The following PRKACB variants were observed in gnomAD, a reference collection of about 807,000 sequenced individuals.
PRKACB encodes the protein cAMP-dependent protein kinase catalytic subunit beta.
Under a neutral mutation model 51.4 loss-of-function variants are expected in PRKACB, and 16 were observed. The observed-to-expected ratio is 0.31, with a 90% CI of 0.21 to 0.47. PRKACB has a LOEUF of 0.47. Ranked by LOEUF, PRKACB falls within the 20% of genes least tolerant of loss-of-function variation. The probability of loss-of-function intolerance (pLI) is 1.00; values close to 1 mark genes in which losing one functional copy is unlikely to be tolerated. For missense variants in PRKACB, 309 were observed against 464.5 expected, an observed-to-expected ratio of 0.67 and a Z score of 3.08; for synonymous variants, 147 against 154.4, an observed-to-expected ratio of 0.95 and a Z score of 0.35.
intron 1 of PRKACB, among the ~76,000 whole-genome samples, chr1:84,172,935 T>G (rs1208821881): frequency 6.6e-6 from 1 of 151,770 alleles, no homozygotes; most frequent in African/African-American, 2.4e-5. Context: ...TCCAATCCAA[T>G]AAACTGTACA....
intron 1 of PRKACB, among the ~76,000 whole-genome samples, chr1:84,174,302 T>C (rs775371313): frequency 3.3e-5 from 5 of 151,842 alleles, no homozygotes; most frequent in Non-Finnish European, 7.4e-5. Flanking sequence ...CAACTTTATC[T>C]GCCAGAGGAA....
At chr1:84,200,133 C>T (rs796098413) in intron 7 of PRKACB, among the ~76,000 whole-genome samples, 33 of 146,422 alleles carry the variant, frequency 2.3e-4, no homozygotes, top group African/African-American at 7.8e-4. Context: ...AGGGGTGAGC[C>T]ACTATGCCCT....
intron 2 of PRKACB, among the ~76,000 whole-genome samples, chr1:84,180,453 A>G (rs1663040803): frequency 6.6e-6 from 1 of 151,526 alleles, no homozygotes; most frequent in East Asian, 1.9e-4. Context: ...ATAAAAGACT[A>G]CAAATATGGT....
At chr1:84,165,974 G>A (rs1029628522) in intron 1 of PRKACB, among the ~76,000 whole-genome samples, 6 of 151,700 alleles carry the variant, frequency 4.0e-5, no homozygotes, top group Non-Finnish European at 5.9e-5. Flanking sequence ...GATTTTTGCT[G>A]TATAATGATA....
chr1:84,131,344 C>CAA (rs57331999), intron 1 of PRKACB, among the ~76,000 whole-genome samples: 3,412 of 146,364 alleles, frequency 0.023, 99 homozygotes, highest in African/African-American at 0.059. Context: ...AACTCCATCT[C>CAA]AAAAAAAAAA....
At chr1:84,165,370 C>G (rs1657070971) in intron 1 of PRKACB, among the ~76,000 whole-genome samples, 1 of 151,550 alleles carries the variant, frequency 6.6e-6, no homozygotes, top group South Asian at 2.1e-4. Flanking sequence ...GTTTAACTTT[C>G]CTTTGATTAG....
intron 1 of PRKACB, among the ~76,000 whole-genome samples, chr1:84,147,003 A>G (rs2100614509): frequency 6.6e-6 from 1 of 152,200 alleles, no homozygotes; most frequent in East Asian, 1.9e-4. Flanking sequence ...GAATGAGAGC[A>G]TTGACATGCG....
chr1:84,116,162 T>C (rs1372774068), intron 1 of PRKACB, among the ~76,000 whole-genome samples: 1 of 152,128 alleles, frequency 6.6e-6, no homozygotes, highest in Non-Finnish European at 1.5e-5. Context: ...TGGCTGTAAA[T>C]ATGTGGCTTT....
intron 9 of PRKACB, among the ~76,000 whole-genome samples, chr1:84,222,360 A>T (rs1272739315): frequency 6.6e-6 from 1 of 152,110 alleles, no homozygotes; most frequent in South Asian, 2.1e-4. Flanking sequence ...AGATCATGTT[A>T]TGTTTATATA....
At chr1:84,141,995 G>A (rs1047876458), upstream of PRKACB, among the ~76,000 whole-genome samples, 15 of 41,662 alleles carry the variant, frequency 3.6e-4, no homozygotes, top group East Asian at 2.8e-3. Flanking sequence ...TATTACTCTT[G>A]TCTCTATATA....
chr1:84,095,847 T>G lies in PRKACB; in HGVS notation c.46+17476T>G, dbSNP rs531775038. Among the ~76,000 whole-genome samples, 4 of 152,160 alleles carry G rather than the reference T, an allele frequency of 2.6e-5. No homozygotes were observed. In the South Asian group the frequency reaches 8.3e-4, roughly 32 times the overall value. On this transcript the variant is annotated intron_variant, in intron 1 of 8. Coordinates refer to the PRKACB transcript ENST00000370688. ...TCCAGTTGATTTTTGAGTTTCTACT[T>G]GTAAATTTTTCTACTCATTTATATT...
At chr1:84,093,756 T>C (rs567702800) in intron 1 of PRKACB, among the ~76,000 whole-genome samples, 1 of 152,104 alleles carries the variant, frequency 6.6e-6, no homozygotes, top group Admixed American at 6.5e-5. Flanking sequence ...CTTCTTTTAG[T>C]AATCTTTGTA....
At chr1:84,119,379 G>A (rs1480466393) in intron 1 of PRKACB, among the ~76,000 whole-genome samples, 6 of 152,044 alleles carry the variant, frequency 3.9e-5, no homozygotes, top group Non-Finnish European at 7.4e-5. Flanking sequence ...GAGAATGGAA[G>A]GGACATTGAA....
intron 1 of PRKACB, among the ~76,000 whole-genome samples, chr1:84,168,008 A>G (rs1364029790): frequency 6.6e-6 from 1 of 151,596 alleles, no homozygotes; most frequent in Non-Finnish European, 1.5e-5. Context: ...TAAGCAAACA[A>G]GGTCTATAAA....
chr1:84,161,613 G>A (rs1161948711), intron 1 of PRKACB, among the ~76,000 whole-genome samples: 3 of 151,398 alleles, frequency 2.0e-5, no homozygotes, highest in African/African-American at 4.8e-5. Context: ...AATTTAAAAG[G>A]CATTTTCTTA....
At chr1:84,086,865 G>T (rs1463099314) in intron 1 of PRKACB, among the ~76,000 whole-genome samples, 7 of 152,190 alleles carry the variant, frequency 4.6e-5, no homozygotes, top group Admixed American at 4.6e-4. Context: ...CCTTGACTCT[G>T]TAAGGCTCGA....
At chr1:84,205,176 C>G (rs1671148981) in intron 8 of PRKACB, 1 of 983,796 alleles carries the variant, frequency 1.0e-6, no homozygotes, top group Non-Finnish European at 1.2e-6. Flanking sequence ...ATCTCTTACT[C>G]CCTTTACTCA....
chr1:84,120,332 G>T (rs967060276), intron 1 of PRKACB, among the ~76,000 whole-genome samples: 1 of 152,080 alleles, frequency 6.6e-6, no homozygotes, highest in Non-Finnish European at 1.5e-5. Context: ...ACATTTTAGT[G>T]TATTCGAAAT....
intron 1 of PRKACB, among the ~76,000 whole-genome samples, chr1:84,083,675 T>G (rs530161047): frequency 7.1e-4 from 108 of 152,360 alleles, no homozygotes; most frequent in Non-Finnish European, 1.4e-3. Context: ...ATCTAGGTGA[T>G]AAATGTTTGT....
Sources: gnomAD v4.1 joint callset for allele counts (sites outside exome capture counted in the v4.1 genomes callset) on GRCh38, gnomAD v4.1.1 for gene constraint, MANE v1.5 for transcripts, NCBI Gene and HGNC (gene_info 2026-07-23, HGNC 2026-07-21) for gene names.